The following EYS variants were observed in gnomAD, a reference collection of about 807,000 sequenced individuals.
EYS encodes the protein EGF-like photoreceptor maintenance factor, also known as protein eyes shut homolog.
Under a neutral mutation model 282.1 loss-of-function variants are expected in EYS, and 250 were observed. The ratio of observed to expected loss-of-function variants is 0.89; its 90% CI spans 0.80 to 0.98. EYS has a LOEUF of 0.98. Among genes scored for constraint, EYS ranks in the 50% least tolerant of loss-of-function variants. The pLI, the probability that EYS is intolerant of heterozygous loss-of-function variation, is 0.00. For synonymous variants in EYS, 1,355 were observed against 1,282.9 expected (o/e 1.06, Z -1.20); for missense variants, 4,016 against 3,709.0 (o/e 1.08, Z -2.15).
chr6:64,425,510 C>T (rs1411437497), intron 28 of EYS, among the ~76,000 whole-genome samples: 5 of 151,654 alleles, frequency 3.3e-5, no homozygotes, highest in Admixed American at 6.6e-5. Flanking sequence ...CAAAATTAGC[C>T]GGGTGTGGTG....
chr6:64,930,391 T>C (rs541703949), intron 15 of EYS, among the ~76,000 whole-genome samples: 5 of 151,468 alleles, frequency 3.3e-5, no homozygotes, highest in African/African-American at 1.2e-4. Flanking sequence ...AGATTGCTAT[T>C]GCCTGAACTA....
chr6:64,083,761 A>G (rs1388971059), intron 31 of EYS, among the ~76,000 whole-genome samples: 1 of 152,176 alleles, frequency 6.6e-6, no homozygotes, highest in Admixed American at 6.5e-5. Flanking sequence ...GTTTTTTGAG[A>G]CAGTCTTGCT....
At chr6:63,764,458 A>C (rs1425563931) in intron 40 of EYS, among the ~76,000 whole-genome samples, 1 of 152,072 alleles carries the variant, frequency 6.6e-6, no homozygotes, top group Non-Finnish European at 1.5e-5. Flanking sequence ...AAATAAAACT[A>C]TAGTAAAAAT....
chr6:64,287,444 G>A (rs1451244682), intron 30 of EYS, among the ~76,000 whole-genome samples: 1 of 152,022 alleles, frequency 6.6e-6, no homozygotes, highest in East Asian at 1.9e-4. Flanking sequence ...ATACTGAAAA[G>A]GATTGAATAC....
At chr6:64,517,374 A>G (rs1421195483) in intron 26 of EYS, among the ~76,000 whole-genome samples, 1 of 151,842 alleles carries the variant, frequency 6.6e-6, no homozygotes, top group East Asian at 1.9e-4. Flanking sequence ...TAAATAAGCA[A>G]TAGGCAGTGG....
chr6:65,260,788 A>C (rs1003234781), intron 12 of EYS, among the ~76,000 whole-genome samples: 2 of 152,100 alleles, frequency 1.3e-5, no homozygotes, highest in Admixed American at 1.3e-4. Flanking sequence ...GCACAAAAAA[A>C]CACGAGGACA....
chr6:65,348,435 C>T (rs1449907247), intron 9 of EYS, among the ~76,000 whole-genome samples: 1 of 151,652 alleles, frequency 6.6e-6, no homozygotes, highest in Non-Finnish European at 1.5e-5. Flanking sequence ...GATGACATCT[C>T]ATTTTAGTTA....
chr6:63,777,956 T>C (rs886535054), intron 40 of EYS, 50 bp downstream of exon 40: 25 of 1,477,096 alleles, frequency 1.7e-5, no homozygotes, highest in Non-Finnish European at 2.2e-5. Flanking sequence ...GGAGTACCAG[T>C]TAGAGTGCAA....
At chr6:65,200,033 A>G (rs1765862454) in intron 12 of EYS, among the ~76,000 whole-genome samples, 1 of 152,190 alleles carries the variant, frequency 6.6e-6, no homozygotes, top group Non-Finnish European at 1.5e-5. Context: ...AAAGGACAAG[A>G]TTTCAAGAAG....
intron 1 of EYS, among the ~76,000 whole-genome samples, chr6:65,691,986 C>T (rs1286675501): frequency 1.3e-5 from 2 of 149,806 alleles, no homozygotes; most frequent in Non-Finnish European, 3.0e-5. Context: ...ATGTTTATTG[C>T]AGCACTTCTC....
chr6:65,215,007 C>T (rs891755699), intron 12 of EYS, among the ~76,000 whole-genome samples: 5 of 152,066 alleles, frequency 3.3e-5, no homozygotes, highest in African/African-American at 4.8e-5. Context: ...TGTTAATATA[C>T]AAAGTACCTG....
intron 33 of EYS, among the ~76,000 whole-genome samples, chr6:64,038,408 ACAT>A (rs1770225351): frequency 6.6e-6 from 1 of 152,168 alleles, no homozygotes; most frequent in Admixed American, 6.6e-5. Flanking sequence ...GTACTTCAAG[ACAT>A]CATGTTGTAC....
intron 33 of EYS, among the ~76,000 whole-genome samples, chr6:64,015,961 T>A (rs1768871233): frequency 6.6e-6 from 1 of 152,184 alleles, no homozygotes; most frequent in Admixed American, 6.5e-5. Flanking sequence ...GAATTCTGAG[T>A]GCTGAGCTTT....
At chr6:65,583,582 T>C (rs1764941083) in intron 2 of EYS, among the ~76,000 whole-genome samples, 1 of 152,086 alleles carries the variant, frequency 6.6e-6, no homozygotes, top group South Asian at 2.1e-4. Context: ...AGTTTGAGTT[T>C]CCATTTTCAT....
At chr6:63,738,794 C>T (rs1321346250) in intron 41 of EYS, among the ~76,000 whole-genome samples, 1 of 151,992 alleles carries the variant, frequency 6.6e-6, no homozygotes, top group African/African-American at 2.4e-5. Flanking sequence ...CTCCATTTTC[C>T]CTTGTAATTC....
At chr6:64,751,597 C>T (rs1039763884) in intron 22 of EYS, among the ~76,000 whole-genome samples, 1 of 152,214 alleles carries the variant, frequency 6.6e-6, no homozygotes, top group African/African-American at 2.4e-5. Flanking sequence ...TAGCCCATTG[C>T]CTGAGGAAAC....
chr6:65,318,346 T>A (rs2150303568), intron 11 of EYS, among the ~76,000 whole-genome samples: 1 of 151,702 alleles, frequency 6.6e-6, no homozygotes, highest in Admixed American at 6.6e-5. Flanking sequence ...GTGGAAATTA[T>A]ACTCTTTCAA....
intron 19 of EYS, among the ~76,000 whole-genome samples, chr6:64,870,143 G>A (rs912378269): frequency 2.6e-5 from 4 of 151,538 alleles, no homozygotes; most frequent in African/African-American, 9.7e-5. Context: ...TACACAAGAT[G>A]AGTAGGAACA....
chr6:65,008,573 T>C (rs1165928021), intron 13 of EYS, among the ~76,000 whole-genome samples: 1 of 152,192 alleles, frequency 6.6e-6, no homozygotes, highest in Non-Finnish European at 1.5e-5. Flanking sequence ...TTGCTTCCAG[T>C]GCAGTCTACA....
Sources: gnomAD v4.1 joint callset for allele counts (sites outside exome capture counted in the v4.1 genomes callset) on GRCh38, gnomAD v4.1.1 for gene constraint, MANE v1.5 for transcripts, NCBI Gene and HGNC (gene_info 2026-07-23, HGNC 2026-07-21) for gene names.